The following C10orf67 variants were observed in gnomAD, a reference collection of about 807,000 sequenced individuals.
C10orf67 encodes the protein chromosome 10 open reading frame 67, also known as uncharacterized protein C10orf67, mitochondrial.
Under a neutral mutation model 35.6 loss-of-function variants are expected in C10orf67, and 60 were observed. The observed-to-expected ratio is 1.68, with a 90% CI of 1.37 to 2.09. The LOEUF (loss-of-function observed/expected upper bound fraction) is 2.09, where lower values mean the gene tolerates loss of function less well. Among genes scored for constraint, C10orf67 ranks in the 30% most tolerant of loss-of-function variants. C10orf67 has a pLI of 0.00. For missense variants in C10orf67, 474 were observed against 330.2 expected (o/e 1.44, Z -3.38); for synonymous variants, 167 against 115.8 (o/e 1.44, Z -2.84).
At chr10:23,256,524 C>T (rs976361415) in intron 10 of C10orf67, among the ~76,000 whole-genome samples, 2 of 152,146 alleles carry the variant, frequency 1.3e-5, no homozygotes, top group Admixed American at 6.5e-5. Context: ...TCATAGGTCT[C>T]GTCTACAGCT....
intron 8 of C10orf67, among the ~76,000 whole-genome samples, chr10:23,272,449 C>T (rs927321564): frequency 6.6e-6 from 1 of 152,130 alleles, no homozygotes; most frequent in African/African-American, 2.4e-5. Flanking sequence ...AAAGATTATC[C>T]TTACTACTTG....
Position 23,330,378 on chromosome 10 carries a change from A to C in C10orf67, c.327+2684T>G, listed in dbSNP as rs144208941. On this transcript the variant is annotated intron_variant, in intron 2 of 15. Transcript: ENST00000636213. ...CTCAGTAGGCTGAGGTGGGAGGATCACTCGAGCCCAGGAAGTCAAGGCTGT... is the reference window on the plus strand; with the variant it reads ...CTCAGTAGGCTGAGGTGGGAGGATCCCTCGAGCCCAGGAAGTCAAGGCTGT... 1.9e-3 allele frequency among the ~76,000 whole-genome samples: 289 copies of C among 152,022 alleles called. 5 individuals are homozygous for C. In the East Asian group the frequency reaches 0.031, roughly 16 times the overall value.
At chr10:23,296,908 T>C (rs1038018513) in intron 5 of C10orf67, among the ~76,000 whole-genome samples, 1 of 152,256 alleles carries the variant, frequency 6.6e-6, no homozygotes, top group African/African-American at 2.4e-5. Context: ...TGAAAAGGCC[T>C]GGTCCAGTAA....
chr10:23,281,604 T>C (rs1843368789), intron 8 of C10orf67, among the ~76,000 whole-genome samples: 1 of 152,180 alleles, frequency 6.6e-6, no homozygotes, highest in African/African-American at 2.4e-5. Flanking sequence ...AAGGCAGTGT[T>C]TTCTTATGAG....
chr10:23,294,959 TAA>T (rs2132268492), intron 5 of C10orf67, among the ~76,000 whole-genome samples: 1 of 152,334 alleles, frequency 6.6e-6, no homozygotes, highest in South Asian at 2.1e-4. Flanking sequence ...TTATTTGATA[TAA>T]GCTATGACCT....
chr10:23,318,839 A>C (rs1185934235), intron 4 of C10orf67: 1 of 761,324 alleles, frequency 1.3e-6, no homozygotes, highest in African/African-American at 1.7e-5. Flanking sequence ...TGACATTACC[A>C]AGGACCCCTC....
At chr10:23,324,894 G>A (rs1473534747) in intron 2 of C10orf67, among the ~76,000 whole-genome samples, 1 of 152,146 alleles carries the variant, frequency 6.6e-6, no homozygotes, top group South Asian at 2.1e-4. Context: ...GGCATCCTGG[G>A]AAGAATTTCA....
intron 10 of C10orf67, among the ~76,000 whole-genome samples, chr10:23,265,105 G>C (rs1197667139): frequency 1.3e-5 from 2 of 152,186 alleles, no homozygotes; most frequent in Non-Finnish European, 2.9e-5. Context: ...CTGATTTCCA[G>C]TTGTCTACAC....
intron 10 of C10orf67, among the ~76,000 whole-genome samples, chr10:23,255,354 T>A (rs1842572177): frequency 6.6e-6 from 1 of 152,214 alleles, no homozygotes; most frequent in Non-Finnish European, 1.5e-5. Context: ...TCATTTGATG[T>A]CCCCAAAGGT....
chr10:23,328,993 C>CAAAAAAAAAAAAAAAAAAAGAAAAAAAA (rs1845312488), intron 2 of C10orf67, among the ~76,000 whole-genome samples: 3 of 78,732 alleles, frequency 3.8e-5, no homozygotes, highest in Admixed American at 1.5e-4. Context: ...CATAAACGAA[C>CAAAAAAAAAAAAAAAAAAAGAAAAAAAA]AAAAAAAAAA....
At chr10:23,211,967 C>T (rs895321167) in intron 15 of C10orf67, among the ~76,000 whole-genome samples, 3 of 152,098 alleles carry the variant, frequency 2.0e-5, no homozygotes, top group African/African-American at 7.2e-5. Flanking sequence ...TTGTGTCTCC[C>T]CAAAGATGCT....
At chr10:23,329,022 G>GA (rs1178475358) in intron 2 of C10orf67, among the ~76,000 whole-genome samples, 1 of 134,638 alleles carries the variant, frequency 7.4e-6, no homozygotes, top group Non-Finnish European at 1.6e-5. Flanking sequence ...AAGAAAGAAA[G>GA]AAAGAAAAAA....
At chr10:23,315,544 T>C (rs917990843) in intron 4 of C10orf67, among the ~76,000 whole-genome samples, 2 of 152,068 alleles carry the variant, frequency 1.3e-5, no homozygotes, top group Non-Finnish European at 2.9e-5. Flanking sequence ...GCTCAAGTGA[T>C]ACTCCCACCT....
chr10:23,235,775 A>T (rs1446650249), intron 13 of C10orf67, among the ~76,000 whole-genome samples: 2 of 152,236 alleles, frequency 1.3e-5, no homozygotes, highest in Admixed American at 6.5e-5. Context: ...GGGAAATGCA[A>T]ATTAAAATTA....
At position 23,204,081 on chromosome 10, in the gene C10orf67, G is replaced by T. The variant is rs1588567393; in HGVS notation, c.*92C>A. ...ACAATTAGTTTAGAAAATCCTTGGA[G>T]ATAGTATCCTTTCCGAGGGAGGCAC... On this transcript the variant is annotated 3_prime_UTR_variant, in exon 16 of 16. Coordinates refer to ENST00000636213, the MANE Select transcript of C10orf67 (RefSeq NM_001371909.1). The T allele has an allele frequency of 6.7e-6, 3 of 450,154 alleles. No homozygotes were observed. The Admixed American group carries it at 1.3e-4, about 19-fold the overall frequency. The allele number at this position is 450,154 out of a possible 1,614,324, so 27.9% of individuals were successfully genotyped here. A position where few individuals can be genotyped will look rare whatever the true frequency, so the allele number is the denominator to read the frequency against.
intron 2 of C10orf67, among the ~76,000 whole-genome samples, chr10:23,328,883 G>C (rs1258591133): frequency 6.6e-6 from 1 of 151,136 alleles, no homozygotes; most frequent in Non-Finnish European, 1.5e-5. Context: ...TACTCAAGTG[G>C]CTGAGGCAGG....
At chr10:23,204,735 T>C (rs905286100) in intron 15 of C10orf67, among the ~76,000 whole-genome samples, 2 of 152,274 alleles carry the variant, frequency 1.3e-5, no homozygotes, top group East Asian at 1.9e-4. Context: ...GGAAACCACA[T>C]TGGCCCTGGG....
At chr10:23,311,943 G>C (rs895914787) in intron 4 of C10orf67, among the ~76,000 whole-genome samples, 3 of 152,104 alleles carry the variant, frequency 2.0e-5, no homozygotes, top group Non-Finnish European at 4.4e-5. Context: ...GACAATACTG[G>C]ATGGGAAGCA....
intron 5 of C10orf67, among the ~76,000 whole-genome samples, chr10:23,299,977 C>CAAA (rs535795751): frequency 8.1e-6 from 1 of 123,384 alleles, no homozygotes; most frequent in Non-Finnish European, 1.7e-5. Context: ...GACTCTGTCT[C>CAAA]AAAAAAAAAA....
Sources: allele counts gnomAD v4.1 joint callset (sites outside exome capture counted in the v4.1 genomes callset), GRCh38; gene constraint gnomAD v4.1.1; transcripts MANE v1.5; gene names NCBI Gene and HGNC (gene_info 2026-07-23, HGNC 2026-07-21).